The following LIFR variants were observed in gnomAD, a reference collection of about 807,000 sequenced individuals.
The protein encoded by LIFR is leukemia inhibitory factor receptor.
A neutral mutation model predicts 122.2 loss-of-function variants in LIFR; 84 were observed. That is an observed-to-expected ratio of 0.69 (90% CI 0.58 to 0.82). The LOEUF is 0.82. Ranked by LOEUF, LIFR falls within the 40% of genes least tolerant of loss-of-function variation. The pLI is 0.00. For synonymous variants in LIFR, 422 were observed against 434.7 expected, an observed-to-expected ratio of 0.97 and a Z score of 0.36; for missense variants, 1,294 against 1,311.6, an observed-to-expected ratio of 0.99 and a Z score of 0.21.
In LIFR at chr5:38,564,745, C is replaced by T. The variant is rs868084758; in HGVS notation, c.-20+30516G>A. On this transcript the variant is annotated intron_variant, in intron 1 of 19. Coordinates refer to the LIFR transcript ENST00000263409. The stretch of plus-strand genomic sequence containing the variant: ...TATATACACACACACTACACACACA[C>T]ACACACACACACACACACACACACA... 4.8e-3 allele frequency among the ~76,000 whole-genome samples: 644 copies of T among 134,780 alleles called. 7 individuals carry two copies. Among genetic ancestry groups the T allele is most frequent in the African/African-American group, 0.019 (600 of 31,978 alleles). 88.4% of individuals were successfully genotyped at this position (134,780 alleles called of 152,430 possible). A position where few individuals can be genotyped will look rare whatever the true frequency, so the allele number is the denominator to read the frequency against.
chr5:38,518,442 A>C (rs1180154144), intron 5 of LIFR, among the ~76,000 whole-genome samples: 1 of 152,164 alleles, frequency 6.6e-6, no homozygotes, highest in East Asian at 1.9e-4. Flanking sequence ...TACTTCAGTC[A>C]ATGTGGGACC....
intron 2 of LIFR, among the ~76,000 whole-genome samples, chr5:38,600,990 T>C (rs1750212185): frequency 6.6e-6 from 1 of 152,244 alleles, no homozygotes; most frequent in African/African-American, 2.4e-5. Flanking sequence ...GGGGTAACAC[T>C]GACCTTAGAG....
At chr5:38,490,734 G>T (rs1187733715) in intron 14 of LIFR, 1 of 152,876 alleles carries the variant, frequency 6.5e-6, no homozygotes, top group Non-Finnish European at 1.5e-5. Context: ...CAAGTAGCTG[G>T]GATTACAGGT....
chr5:38,560,450 C>CA (rs1748792928), upstream of LIFR, among the ~76,000 whole-genome samples: 1 of 152,250 alleles, frequency 6.6e-6, no homozygotes, highest in Middle Eastern at 3.4e-3. Flanking sequence ...CAAAGACCAT[C>CA]AAAAATAGTA....
intron 1 of LIFR, among the ~76,000 whole-genome samples, chr5:38,553,643 T>TATATAC (rs1748342240): frequency 1.1e-5 from 1 of 92,272 alleles, no homozygotes; most frequent in African/African-American, 5.1e-5. Flanking sequence ...TATATATATA[T>TATATAC]ATATATATAT....
At position 38,475,256 on chromosome 5, in the gene LIFR, TCA is replaced by T. The variant is rs1743671631; in HGVS notation, c.*6337_*6338del. On this transcript the variant is annotated 3_prime_UTR_variant, in exon 20 of 20. Coordinates refer to ENST00000453190, the MANE Select transcript of LIFR (RefSeq NM_001127671.2). Reference sequence around the variant, plus strand: ...AAATTTTCACAAGGCAGGAAATGCTTCAGTTATCATCTAAGTGGAGTTGTTTT... The same window carrying T: ...AAATTTTCACAAGGCAGGAAATGCTTGTTATCATCTAAGTGGAGTTGTTTT... 5.2e-6 allele frequency: 1 copy of T among 191,820 alleles called. No homozygotes were observed. 11.9% of individuals were successfully genotyped at this position (191,820 alleles called of 1,614,324 possible). A position where few individuals can be genotyped will look rare whatever the true frequency, so the allele number is the denominator to read the frequency against.
chr5:38,561,290 G>A (rs115837587), upstream of LIFR, among the ~76,000 whole-genome samples: 339 of 152,258 alleles, frequency 2.2e-3, 1 homozygote, highest in African/African-American at 7.6e-3. Flanking sequence ...CTTGAACATT[G>A]CTATTGTTGA....
intron 7 of LIFR, among the ~76,000 whole-genome samples, chr5:38,509,543 T>C (rs1745679993): frequency 6.6e-6 from 1 of 152,166 alleles, no homozygotes; most frequent in Non-Finnish European, 1.5e-5. Context: ...GCTGCTGATC[T>C]AGACCACAGC....
chr5:38,552,586 G>C (rs1748262009), intron 1 of LIFR, among the ~76,000 whole-genome samples: 1 of 152,132 alleles, frequency 6.6e-6, no homozygotes, highest in African/African-American at 2.4e-5. Flanking sequence ...GGAAATAAAA[G>C]ATAAAAATGC....
intron 1 of LIFR, among the ~76,000 whole-genome samples, chr5:38,531,677 A>G (rs868209653): frequency 2.6e-5 from 4 of 152,140 alleles, no homozygotes; most frequent in Non-Finnish European, 4.4e-5. Flanking sequence ...CAAAATACAA[A>G]AAAAAATTGA....
At chr5:38,491,539 G>A (rs1032943672) in intron 14 of LIFR, among the ~76,000 whole-genome samples, 3 of 152,204 alleles carry the variant, frequency 2.0e-5, no homozygotes, top group East Asian at 1.9e-4. Context: ...CGGGGGACAC[G>A]CAGGGGGGAT....
intron 7 of LIFR, among the ~76,000 whole-genome samples, chr5:38,509,552 G>A (rs1227569242): frequency 6.6e-6 from 1 of 152,064 alleles, no homozygotes; most frequent in African/African-American, 2.4e-5. Flanking sequence ...CTAGACCACA[G>A]CTGAGAATCA....
chr5:38,479,428 T>C lies in LIFR; in HGVS notation c.*2167A>G, dbSNP rs1361277408. On this transcript the variant is annotated 3_prime_UTR_variant, in exon 20 of 20. Coordinates refer to ENST00000453190, the MANE Select transcript of LIFR (RefSeq NM_001127671.2). ...CGAAAGGACTTAAGAGCCCCAGTGA[T>C]ATTCATCATTAACCAAACAAATGAG... 4.3e-6 allele frequency: 1 copy of C among 230,370 alleles called. No individual in the cohort carries two copies. 14.3% of individuals were successfully genotyped at this position (230,370 alleles called of 1,614,324 possible). A position where few individuals can be genotyped will look rare whatever the true frequency, so the allele number is the denominator to read the frequency against.
At chr5:38,516,441 G>A (rs146326214) in intron 5 of LIFR, among the ~76,000 whole-genome samples, 4,641 of 152,206 alleles carry the variant, frequency 0.03, 275 homozygotes, top group African/African-American at 0.11. Flanking sequence ...AGACATTTAT[G>A]TGGCCAAGAA....
At chr5:38,586,880 C>T (rs986851787) in intron 1 of LIFR, among the ~76,000 whole-genome samples, 1 of 152,158 alleles carries the variant, frequency 6.6e-6, no homozygotes. Flanking sequence ...TGCATATCTT[C>T]CTTTAACTCT....
At chr5:38,562,508 T>G (rs1411953703) in intron 1 of LIFR, among the ~76,000 whole-genome samples, 2 of 152,250 alleles carry the variant, frequency 1.3e-5, no homozygotes, top group African/African-American at 4.8e-5. Context: ...TGAGCTAATA[T>G]TCTCAATTAA....
At chr5:38,599,592 G>A (rs1050747016), upstream of LIFR, among the ~76,000 whole-genome samples, 10 of 152,164 alleles carry the variant, frequency 6.6e-5, no homozygotes, top group East Asian at 1.9e-3. Flanking sequence ...AAACACGGCT[G>A]AGTATGGAAA....
upstream of LIFR, among the ~76,000 whole-genome samples, chr5:38,595,837 A>T (rs965741057): frequency 7.2e-6 from 1 of 138,884 alleles, no homozygotes; most frequent in Admixed American, 8.1e-5. Flanking sequence ...GGTTCCTGCC[A>T]TTCTCCTGCC....
intron 2 of LIFR, among the ~76,000 whole-genome samples, chr5:38,604,987 TA>T (rs1750296385): frequency 6.6e-6 from 1 of 152,158 alleles, no homozygotes; most frequent in East Asian, 1.9e-4. Flanking sequence ...TCAGTATTAT[TA>T]TCAGTAGAAA....
Sources: gnomAD v4.1 joint callset for allele counts (sites outside exome capture counted in the v4.1 genomes callset) on GRCh38, gnomAD v4.1.1 for gene constraint, MANE v1.5 for transcripts, NCBI Gene and HGNC (gene_info 2026-07-23, HGNC 2026-07-21) for gene names.